NNMT: variants seen among roughly 807,000 people sequenced by gnomAD.
The protein encoded by NNMT is nicotinamide N-methyltransferase.
A neutral mutation model predicts 11.7 loss-of-function variants in NNMT; 10 were observed. The ratio of observed to expected loss-of-function variants is 0.85; its 90% confidence interval spans 0.53 to 1.45. NNMT has a LOEUF of 1.45. Ranked by LOEUF, NNMT falls within the 40% of genes most tolerant of loss-of-function variation. The probability of loss-of-function intolerance (pLI) is 0.00; values close to 1 mark genes in which losing one functional copy is unlikely to be tolerated. For missense variants in NNMT, 381 were observed against 319.4 expected, an observed-to-expected ratio of 1.19 and a Z score of -1.47; for synonymous variants, 143 against 133.8, an observed-to-expected ratio of 1.07 and a Z score of -0.48.
chr11:114,286,088 T>A (rs1945297197), intron 2 of NNMT, among the ~76,000 whole-genome samples: 1 of 152,212 alleles, frequency 6.6e-6, no homozygotes, highest in Non-Finnish European at 1.5e-5. Flanking sequence ...AGATCGTTGT[T>A]TATCCTTTAG....
chr11:114,285,135 C>T (rs116861006), intron 2 of NNMT, among the ~76,000 whole-genome samples: 186 of 152,260 alleles, frequency 1.2e-3, no homozygotes, highest in Middle Eastern at 3.4e-3. Flanking sequence ...TCCTCTCCCT[C>T]CCTCCTTGGC....
At chr11:114,308,727 G>A (rs1945516689) in intron 2 of NNMT, among the ~76,000 whole-genome samples, 2 of 152,172 alleles carry the variant, frequency 1.3e-5, no homozygotes, top group African/African-American at 4.8e-5. Context: ...AGGCAAAGTA[G>A]TAATTGGCTG....
chr11:114,260,218 AG>A (rs1764035582), intron 1 of NNMT, among the ~76,000 whole-genome samples: 3 of 152,206 alleles, frequency 2.0e-5, no homozygotes, highest in Admixed American at 1.3e-4. Context: ...CATAGCTGGT[AG>A]GTGGTATCTC....
At chr11:114,268,704 G>T (rs1420704174) in intron 2 of NNMT, among the ~76,000 whole-genome samples, 5 of 147,388 alleles carry the variant, frequency 3.4e-5, no homozygotes, top group Non-Finnish European at 7.4e-5. Context: ...GGGAGGCGCA[G>T]CTTGCAGTGA....
At chr11:114,294,108 G>A (rs1945353444), upstream of NNMT, among the ~76,000 whole-genome samples, 1 of 152,162 alleles carries the variant, frequency 6.6e-6, no homozygotes, top group Admixed American at 6.6e-5. Context: ...CACAGAGATA[G>A]AGAGTAGAAG....
upstream of NNMT, among the ~76,000 whole-genome samples, chr11:114,295,419 C>CTTTTTTT (rs35621813): frequency 9.4e-5 from 8 of 85,014 alleles, no homozygotes; most frequent in African/African-American, 1.4e-4. Context: ...TTAAAGAATT[C>CTTTTTTT]TTTTTTTTTT....
Position 114,263,939 on chromosome 11 carries a change from T to A in NNMT, c.-130+1005T>A, listed in dbSNP as rs867669449. 2.0e-5 allele frequency among the ~76,000 whole-genome samples: 3 copies of A among 152,158 alleles called. No homozygotes were observed. The South Asian group carries it at 6.2e-4, about 32-fold the overall frequency. On this transcript the variant is annotated intron_variant, in intron 2 of 4. Transcript: ENST00000535401. ...ATGCCTTCCTGCCTGGTTCTCTGCCTGCCTTCAGGAGACAGGGCCTGTCTT... is the reference window on the plus strand; with the variant it reads ...ATGCCTTCCTGCCTGGTTCTCTGCCAGCCTTCAGGAGACAGGGCCTGTCTT...
rs763975331 is a variant in NNMT, at chr11:114,296,567, G to A, written c.11G>A (p.Gly4Asp). 2 of 1,613,756 alleles carry A rather than the reference G, an allele frequency of 1.2e-6. No individual in the cohort carries two copies. The highest frequency in any genetic ancestry group is 1.7e-6 in the Non-Finnish European group (2 of 1,179,996). The change falls in exon 1 of 3, where the codon GGC becomes GAC. Residue 4 changes from glycine to aspartate, a missense_variant. Coordinates refer to ENST00000299964, the MANE Select transcript of NNMT (RefSeq NM_006169.3). Reference protein sequence around the residue: MESGFTSKDTYLSH... With the variant: MESDFTSKDTYLSH... ...CAGAAGTGAGACATAATGGAATCAG[G>A]CTTCACCTCCAAGGACACCTATCTA...
At chr11:114,259,351 G>GT (rs1253723105) in intron 1 of NNMT, among the ~76,000 whole-genome samples, 3 of 150,274 alleles carry the variant, frequency 2.0e-5, no homozygotes, top group Middle Eastern at 3.2e-3. Context: ...GCCCAGTGGG[G>GT]GGGGGGGAGC....
upstream of NNMT, among the ~76,000 whole-genome samples, chr11:114,292,436 A>AT (rs1423521771): frequency 6.6e-6 from 1 of 152,088 alleles, no homozygotes; most frequent in African/African-American, 2.4e-5. Flanking sequence ...AGAGTGAGGT[A>AT]TTTTCTAGGA....
intron 2 of NNMT, among the ~76,000 whole-genome samples, chr11:114,267,649 C>G (rs1325343308): frequency 1.3e-5 from 2 of 152,210 alleles, no homozygotes; most frequent in African/African-American, 2.4e-5. Flanking sequence ...TTCTGCCACA[C>G]TTGCTTCACC....
At chr11:114,279,096 A>AGACT (rs1945238827) in intron 2 of NNMT, among the ~76,000 whole-genome samples, 1 of 152,122 alleles carries the variant, frequency 6.6e-6, no homozygotes, top group Admixed American at 6.5e-5. Flanking sequence ...TCACATTGGG[A>AGACT]GACTATTGGC....
intron 1 of NNMT, among the ~76,000 whole-genome samples, chr11:114,259,495 G>A (rs1168229375): frequency 1.3e-5 from 2 of 152,198 alleles, no homozygotes; most frequent in East Asian, 3.9e-4. Flanking sequence ...GTGTTGCTGG[G>A]CAGGATGCGG....
rs559625723 is a variant in NNMT, at chr11:114,309,558, A to G, written c.363-2487A>G. ...TTAGTGGTTGGTAGGAATTCCCCCA[A>G]ATCAACACCTTGCTAAGCTCATCTC... is the stretch of plus-strand genomic sequence containing the variant. On this transcript the variant is annotated intron_variant, in intron 2 of 2. Coordinates refer to ENST00000299964, the MANE Select transcript of NNMT (RefSeq NM_006169.3). Among the ~76,000 whole-genome samples, 10 of 149,786 alleles carry G rather than the reference A, an allele frequency of 6.7e-5. No individual in the cohort carries two copies. The East Asian group carries it at 2.0e-3, about 31-fold the overall frequency.
chr11:114,290,224 T>C (rs1303884038), intron 2 of NNMT, among the ~76,000 whole-genome samples: 2 of 152,234 alleles, frequency 1.3e-5, no homozygotes, highest in Non-Finnish European at 2.9e-5. Context: ...AGTTGGTTAA[T>C]CCTGCTGTTC....
At chr11:114,296,777 TG>T (rs1298077463) in intron 1 of NNMT, 67 bp downstream of exon 1, 6 of 1,507,238 alleles carry the variant, frequency 4.0e-6, no homozygotes, top group Admixed American at 1.8e-5. Context: ...AGGGCACGAC[TG>T]GGTTTTGTGT....
At position 114,285,906 on chromosome 11, in the gene NNMT, C is replaced by T. The variant is rs1486686375; in HGVS notation, c.-129-10522C>T. 1.6e-4 allele frequency among the ~76,000 whole-genome samples: 25 copies of T among 152,292 alleles called. No homozygotes were observed. The East Asian group carries it at 4.8e-3, about 29-fold the overall frequency. On this transcript the variant is annotated intron_variant, in intron 2 of 4. Transcript: ENST00000535401. ...GTGTCAAATGAGAGATCACTGCCTACAGAAGTCTGTGTCATCTCTGAAGCA... is the reference window on the plus strand; with the variant it reads ...GTGTCAAATGAGAGATCACTGCCTATAGAAGTCTGTGTCATCTCTGAAGCA...
chr11:114,309,825 C>T (rs1945533625), intron 2 of NNMT, among the ~76,000 whole-genome samples: 1 of 152,218 alleles, frequency 6.6e-6, no homozygotes, highest in African/African-American at 2.4e-5. Flanking sequence ...GGTCTGCTTT[C>T]AGTCTCTGTA....
At chr11:114,266,201 C>T (rs982575358) in intron 2 of NNMT, among the ~76,000 whole-genome samples, 5 of 152,126 alleles carry the variant, frequency 3.3e-5, no homozygotes, top group Admixed American at 2.0e-4. Context: ...GCAATCAACA[C>T]GTACTAATAT....
Sources: gnomAD v4.1 joint callset for allele counts (sites outside exome capture counted in the v4.1 genomes callset) on GRCh38, gnomAD v4.1.1 for gene constraint, MANE v1.5 for transcripts, NCBI Gene and HGNC (gene_info 2026-07-23, HGNC 2026-07-21) for gene names.